The following PIGV variants were observed in gnomAD, a reference collection of about 807,000 sequenced individuals.
The protein encoded by PIGV is phosphatidylinositol glycan anchor biosynthesis class V.
Under a neutral mutation model 39.2 loss-of-function variants are expected in PIGV, and 27 were observed. That is an observed-to-expected ratio of 0.69 (90% CI 0.51 to 0.95). PIGV has a LOEUF of 0.95. Ranked by LOEUF, PIGV falls within the 40% of genes least tolerant of loss-of-function variation. The probability of loss-of-function intolerance (pLI) is 0.00; values close to 1 mark genes in which losing one functional copy is unlikely to be tolerated. For synonymous variants in PIGV, 232 were observed against 241.7 expected (o/e 0.96, Z 0.37); for missense variants, 523 against 586.4 (o/e 0.89, Z 1.12).
chr1:26,794,773 A>G lies in PIGV; in HGVS notation c.739A>G (p.Thr247Ala), dbSNP rs765579778. 10 of 1,614,018 alleles carry G rather than the reference A, an allele frequency of 6.2e-6. No homozygotes were observed. The South Asian group carries it at 1.1e-4, about 18-fold the overall frequency. The part of the protein sequence containing the change: ...LMASLFLSVF[T>A]LGLPFALFQY... Reference sequence around the variant, plus strand: ...GGCCTCTCTGTTTCTGTCGGTGTTCACACTTGGCCTTCCCTTTGCCCTCTT... The same window carrying G: ...GGCCTCTCTGTTTCTGTCGGTGTTCGCACTTGGCCTTCCCTTTGCCCTCTT... Residue 247 changes from threonine (T) to alanine (A), a missense_variant, in exon 3 of 4, where the codon ACA becomes GCA. Thr to Ala is a moderately conservative substitution (Grantham distance 58). Coordinates refer to ENST00000674202, the MANE Select transcript of PIGV (RefSeq NM_017837.4).
intron 3 of PIGV, 152 bp downstream of exon 3, chr1:26,795,386 C>T: frequency 9.6e-7 from 1 of 1,036,906 alleles, no homozygotes; most frequent in Non-Finnish European, 1.4e-6. Flanking sequence ...ATGCCAGACT[C>T]TGGGTCAGAC....
chr1:26,789,804 T>A (rs2081288072), intron 1 of PIGV, among the ~76,000 whole-genome samples: 2 of 152,220 alleles, frequency 1.3e-5, no homozygotes. Flanking sequence ...GTTCAAATTT[T>A]TTTTTTCCTT....
At chr1:26,787,920 G>A (rs2081257264), upstream of PIGV, 1 of 152,292 alleles carries the variant, frequency 6.6e-6, no homozygotes, top group East Asian at 1.9e-4. Context: ...GGCAGGAGCG[G>A]GGCGGGGACG....
At chr1:26,795,319 C>T (rs556448372) in intron 3 of PIGV, 85 bp downstream of exon 3, 90 of 1,450,094 alleles carry the variant, frequency 6.2e-5, no homozygotes, top group African/African-American at 8.3e-5. Flanking sequence ...TAACATCTCC[C>T]GTTTGAGTGA....
At chr1:26,795,634 C>T (rs949855439) in intron 3 of PIGV, among the ~76,000 whole-genome samples, 7 of 142,024 alleles carry the variant, frequency 4.9e-5, no homozygotes, top group Admixed American at 3.0e-4. Flanking sequence ...TGCTTGAACC[C>T]GGGAGGTGGA....
In PIGV at chr1:26,790,868, G is replaced by A; in HGVS notation, c.53G>A (p.Cys18Tyr). 6.2e-7 allele frequency: 1 copy of A among 1,614,020 alleles called. No individual in the cohort carries two copies. Among genetic ancestry groups the A allele is most frequent in the Non-Finnish European group, 8.5e-7 (1 of 1,179,904 alleles). The change falls in exon 2 of 4, where the codon TGC (cysteine) becomes TAC (tyrosine). Residue 18 changes from cysteine (C) to tyrosine (Y), a missense_variant. Cys to Tyr is a radical substitution (Grantham distance 194). Coordinates refer to ENST00000674202, the MANE Select transcript of PIGV (RefSeq NM_017837.4). ...GAGGTGCTGAGGTTTGCAGTCAGCT[G>A]CCGTATCCTGACTCTGATGCTGCAG... is the stretch of plus-strand genomic sequence containing the variant. ...RKEVLRFAVS[C>Y]RILTLMLQAL...
At chr1:26,794,027 G>T (rs2081346230) in intron 2 of PIGV, 86 bp from the exon 3 acceptor site, 6 of 1,317,600 alleles carry the variant, frequency 4.6e-6, no homozygotes, top group Non-Finnish European at 6.5e-6. Flanking sequence ...ACAGGCATGA[G>T]CCTGGCCTTC....
intron 2 of PIGV, among the ~76,000 whole-genome samples, chr1:26,792,071 C>A (rs541215697): frequency 6.6e-6 from 1 of 152,192 alleles, no homozygotes; most frequent in Non-Finnish European, 1.5e-5. Flanking sequence ...GTACCTATTG[C>A]GTTCCAAGAA....
Position 26,798,902 on chromosome 1 carries a change from GT to G in PIGV, c.*1060del. Among the ~76,000 whole-genome samples the G allele has an allele frequency of 1.3e-5, 2 of 152,240 alleles. No individual in the cohort carries two copies. The highest frequency in any genetic ancestry group is 4.1e-4 in the South Asian group (2 of 4,824). ...ACTTGGGAGAGTTTTCAGAACCTTA[GT>G]TACCACCTCTGAAACCATGGGAAAT... On this transcript the variant is annotated 3_prime_UTR_variant, in exon 4 of 4. Transcript: ENST00000674202.
In PIGV at chr1:26,794,877, AGAC is replaced by A. The variant is rs2081360507; in HGVS notation, c.844_846del (p.Asp282del). On this transcript the variant is annotated inframe_deletion, in exon 3 of 4. Coordinates refer to ENST00000674202, the MANE Select transcript of PIGV (RefSeq NM_017837.4). ...CTGAGCCTTTGGTACAGTTAGCTGTAGACAAGGGCTACCGGATTGCAGAGGGAA... is the reference window on the plus strand; with the variant it reads ...CTGAGCCTTTGGTACAGTTAGCTGTAAAGGGCTACCGGATTGCAGAGGGAA... 3.7e-6 allele frequency: 6 copies of A among 1,614,124 alleles called. No individual in the cohort carries two copies. The highest frequency in any genetic ancestry group is 1.3e-5 in the African/African-American group (1 of 74,944).
Position 26,794,592 on chromosome 1 carries a change from G to T in PIGV, c.558G>T (p.Arg186Ser). The change falls in exon 3 of 4, where the codon AGG becomes AGT. Residue 186 changes from arginine (R) to serine (S), a missense_variant. Transcript: ENST00000674202. Reference sequence around the variant, plus strand: ...TCAGTGCCATGGGGCAGCTGGAGAGGGGCCGAGTCTGGACTAGTGTACTCC... The same window carrying T: ...TCAGTGCCATGGGGCAGCTGGAGAGTGGCCGAGTCTGGACTAGTGTACTCC... ...LTFSAMGQLE[R>S]GRVWTSVLLF... 8 of 1,614,220 alleles carry T rather than the reference G, an allele frequency of 5.0e-6. No individual in the cohort carries two copies. Among genetic ancestry groups the T allele is most frequent in the Non-Finnish European group, 6.8e-6 (8 of 1,180,032 alleles).
intron 2 of PIGV, among the ~76,000 whole-genome samples, chr1:26,792,745 A>G (rs1160796341): frequency 6.6e-6 from 1 of 152,204 alleles, no homozygotes; most frequent in East Asian, 1.9e-4. Context: ...TCTGTCAGTG[A>G]CAGCTAATCC....
At chr1:26,790,399 T>A (rs971461643) in intron 1 of PIGV, among the ~76,000 whole-genome samples, 1 of 152,190 alleles carries the variant, frequency 6.6e-6, no homozygotes, top group Non-Finnish European at 1.5e-5. Context: ...CTGCTCCCAT[T>A]TTTTATATAA....
At chr1:26,792,062 T>G (rs1031440351) in intron 2 of PIGV, among the ~76,000 whole-genome samples, 2 of 152,200 alleles carry the variant, frequency 1.3e-5, no homozygotes, top group Non-Finnish European at 2.9e-5. Flanking sequence ...ATTTTTAAAG[T>G]ACCTATTGCG....
intron 2 of PIGV, among the ~76,000 whole-genome samples, chr1:26,793,245 A>G (rs778092337): frequency 6.6e-6 from 1 of 152,118 alleles, no homozygotes; most frequent in Non-Finnish European, 1.5e-5. Flanking sequence ...TTGTTCACCT[A>G]CTGCCCCATT....
rs903151005 is a variant in PIGV at position 26,798,051 on chromosome 1, A to G, written c.*207A>G. On this transcript the variant is annotated 3_prime_UTR_variant, in exon 4 of 4. Transcript: ENST00000674202. ...TCCTGGCTAGGGCAAATTTTAGACA[A>G]CTATTTTCTCTGTAAGTGAAGATTG... 2 of 593,620 alleles carry G rather than the reference A, an allele frequency of 3.4e-6. No homozygotes were observed. Among genetic ancestry groups the G allele is most frequent in the Non-Finnish European group, 6.0e-6 (2 of 333,484 alleles). 36.8% of individuals were successfully genotyped at this position (593,620 alleles called of 1,614,324 possible). A position where few individuals can be genotyped will look rare whatever the true frequency, so the allele number is the denominator to read the frequency against.
chr1:26,788,180 C>T lies in PIGV; in HGVS notation c.-146C>T, dbSNP rs1311582064. The T allele has an allele frequency of 1.3e-5, 2 of 152,458 alleles. No individual in the cohort carries two copies. The highest frequency in any genetic ancestry group is 6.5e-5 in the Admixed American group (1 of 15,294). 9.4% of individuals were successfully genotyped at this position (152,458 alleles called of 1,614,324 possible). A position where few individuals can be genotyped will look rare whatever the true frequency, so the allele number is the denominator to read the frequency against. ...CGGGCGCCGCCTCTTCCTTTCCAGC[C>T]TCCCGCCCTCGTCTGCTTCCGGCCC... On this transcript the variant is annotated 5_prime_UTR_variant, in exon 1 of 4. Coordinates refer to ENST00000674202, the MANE Select transcript of PIGV (RefSeq NM_017837.4).
In PIGV at chr1:26,797,787, C is replaced by G. The variant is rs549740566; in HGVS notation, c.1425C>G (p.Phe475Leu). 3 of 1,614,106 alleles carry G rather than the reference C, an allele frequency of 1.9e-6. No homozygotes were observed. The Admixed American group carries it at 5.0e-5, about 27-fold the overall frequency. ...TCACACGATACATTCTAGGCTACTT[C>G]CTGACTTACTGGCTCCTGGGACTAC... is the stretch of plus-strand genomic sequence containing the variant. The part of the protein sequence containing the change: ...SPVTRYILGY[F>L]LTYWLLGLLL... Residue 475 changes from phenylalanine (F) to leucine (L), a missense_variant, in exon 4 of 4, where the codon TTC becomes TTG. Coordinates refer to ENST00000674202, the MANE Select transcript of PIGV (RefSeq NM_017837.4).
Position 26,794,474 on chromosome 1 carries a change from A to T in PIGV, c.440A>T (p.Gln147Leu). 6.2e-7 allele frequency: 1 copy of T among 1,614,224 alleles called. No homozygotes were observed. Among genetic ancestry groups the T allele is most frequent in the Non-Finnish European group, 8.5e-7 (1 of 1,180,042 alleles). ...TGTCTGGTTTTGCACTGTCCCCACC[A>T]GTCCTTTTATGCAGCTCTGCTTTTC... is the stretch of plus-strand genomic sequence containing the variant. Reference protein sequence around the residue: ...LGCLVLHCPHQSFYAALLFCL... With the variant: ...LGCLVLHCPHLSFYAALLFCL... Residue 147 changes from glutamine to leucine, a missense_variant, in exon 3 of 4, where the codon CAG (glutamine) becomes CTG (leucine). Coordinates refer to ENST00000674202, the MANE Select transcript of PIGV (RefSeq NM_017837.4).
Sources: gnomAD v4.1 joint callset for allele counts (sites outside exome capture counted in the v4.1 genomes callset) on GRCh38, gnomAD v4.1.1 for gene constraint, MANE v1.5 for transcripts, NCBI Gene and HGNC (gene_info 2026-07-23, HGNC 2026-07-21) for gene names.